Variants in OSBPL9 observed in about 807,000 individuals in gnomAD.
The protein encoded by OSBPL9 is oxysterol-binding protein-related protein 9.
Under a neutral mutation model 106.6 loss-of-function variants are expected in OSBPL9, and 40 were observed. The ratio of observed to expected loss-of-function variants is 0.38; its 90% confidence interval spans 0.29 to 0.49. The LOEUF is 0.49. Among genes scored for constraint, OSBPL9 ranks in the 20% least tolerant of loss-of-function variants. The pLI, the probability that OSBPL9 is intolerant of heterozygous loss-of-function variation, is 0.97. For missense variants in OSBPL9, 609 were observed against 887.2 expected, an observed-to-expected ratio of 0.69 and a Z score of 3.98; for synonymous variants, 269 against 295.4, an observed-to-expected ratio of 0.91 and a Z score of 0.92.
chr1:51,657,805 G>C (rs990814162), intron 2 of OSBPL9, among the ~76,000 whole-genome samples: 2 of 152,110 alleles, frequency 1.3e-5, no homozygotes, highest in African/African-American at 4.8e-5. Context: ...CAACATTAAA[G>C]AGGCAGTGTG....
intron 3 of OSBPL9, among the ~76,000 whole-genome samples, chr1:51,713,058 C>T (rs1055393965): frequency 6.6e-6 from 1 of 152,190 alleles, no homozygotes; most frequent in African/African-American, 2.4e-5. Flanking sequence ...GGACTGTTTA[C>T]CAGAGCTCCC....
intron 7 of OSBPL9, 131 bp from the exon 8 acceptor site, chr1:51,750,014 A>G: frequency 2.0e-6 from 1 of 495,166 alleles, no homozygotes; most frequent in Non-Finnish European, 3.5e-6. Context: ...CACTAGATCC[A>G]AAGAGGATAT....
intron 20 of OSBPL9, 45 bp from the exon 21 acceptor site, chr1:51,785,763 A>C: frequency 6.4e-7 from 1 of 1,560,700 alleles, no homozygotes; most frequent in South Asian, 1.1e-5. Context: ...TCTTTGGTAG[A>C]ATTTTCAACT....
At chr1:51,749,015 G>A (rs887524605) in intron 7 of OSBPL9, among the ~76,000 whole-genome samples, 2 of 151,962 alleles carry the variant, frequency 1.3e-5, no homozygotes, top group African/African-American at 4.8e-5. Flanking sequence ...AACTGGGGAG[G>A]CAGAAGTTGC....
intron 1 of OSBPL9, among the ~76,000 whole-genome samples, chr1:51,597,492 TATATATATATACACACACAC>T (rs1645306393): frequency 6.7e-6 from 1 of 150,250 alleles, no homozygotes; most frequent in South Asian, 2.1e-4. Context: ...ATAGATTGTA[TATATATATATACACACACAC>T]ATATATATAT....
chr1:51,742,578 A>C (rs1667164719), intron 4 of OSBPL9, among the ~76,000 whole-genome samples: 2 of 151,360 alleles, frequency 1.3e-5, no homozygotes, highest in Non-Finnish European at 2.9e-5. Flanking sequence ...AAAAAAGTAA[A>C]ATAAAAAATT....
At chr1:51,785,577 G>C in intron 20 of OSBPL9, 1 of 526,238 alleles carries the variant, frequency 1.9e-6, no homozygotes, top group South Asian at 2.3e-5. Flanking sequence ...ACCCAGAATA[G>C]GACGTTCTTG....
At chr1:51,694,121 G>A (rs1571126606) in intron 3 of OSBPL9, among the ~76,000 whole-genome samples, 3 of 152,248 alleles carry the variant, frequency 2.0e-5, no homozygotes, top group Admixed American at 6.5e-5. Context: ...ACTTTAAACA[G>A]CTTTTCTTTA....
intron 2 of OSBPL9, among the ~76,000 whole-genome samples, chr1:51,666,095 G>A (rs531580397): frequency 3.7e-4 from 57 of 152,238 alleles, no homozygotes; most frequent in Non-Finnish European, 7.6e-4. Flanking sequence ...TGATCCGCCC[G>A]CCTCGGCCTC....
chr1:51,675,787 C>T (rs1651043189), intron 3 of OSBPL9, among the ~76,000 whole-genome samples: 1 of 152,078 alleles, frequency 6.6e-6, no homozygotes, highest in Admixed American at 6.6e-5. Context: ...TTGAATTTTA[C>T]CTTCAAATAA....
chr1:51,705,399 ATTTTTTTT>A lies in OSBPL9; in HGVS notation c.242-8580_242-8573del, dbSNP rs869169566. 5.3e-3 allele frequency among the ~76,000 whole-genome samples: 213 copies of A among 40,446 alleles called. 1 individual carries two copies. The highest frequency in any genetic ancestry group is 0.018 in the South Asian group (16 of 876). The allele number at this position is 40,446 out of a possible 152,430, so 26.5% of individuals were successfully genotyped here. A position where few individuals can be genotyped will look rare whatever the true frequency, so the allele number is the denominator to read the frequency against. On this transcript the variant is annotated intron_variant, in intron 3 of 23. Coordinates refer to ENST00000428468, the MANE Select transcript of OSBPL9 (RefSeq NM_024586.6). ...TTCATATATATATATATATATATAT[ATTTTTTTT>A]TTTTTTTTTTTTTTTTTTTTTTTGA...
At chr1:51,608,335 C>A (rs928471304) in intron 2 of OSBPL9, among the ~76,000 whole-genome samples, 1 of 152,162 alleles carries the variant, frequency 6.6e-6, no homozygotes, top group African/African-American at 2.4e-5. Flanking sequence ...CTCTGTCACC[C>A]AGACTAGAGT....
intron 22 of OSBPL9, 124 bp from the exon 23 acceptor site, chr1:51,787,229 C>T (rs944145903): frequency 3.3e-5 from 30 of 900,066 alleles, no homozygotes; most frequent in Non-Finnish European, 4.4e-5. Context: ...CTGGTGCCAG[C>T]GTAAGGAGAT....
the OSBPL9 span, among the ~76,000 whole-genome samples, chr1:51,540,101 G>A: frequency 1.3e-5 from 2 of 152,188 alleles, no homozygotes; most frequent in East Asian, 1.9e-4. Context: ...TCTGAGAAAT[G>A]TCAAATATTG....
intron 1 of OSBPL9, among the ~76,000 whole-genome samples, chr1:51,634,284 TCA>T (rs1645287484): frequency 6.6e-6 from 1 of 152,222 alleles, no homozygotes; most frequent in Non-Finnish European, 1.5e-5. Context: ...GATTGTCATT[TCA>T]CAGTTTGGTG....
intron 1 of OSBPL9, among the ~76,000 whole-genome samples, chr1:51,588,690 A>G (rs1032160295): frequency 3.9e-5 from 6 of 152,198 alleles, no homozygotes; most frequent in African/African-American, 1.4e-4. Flanking sequence ...CTGGTACACA[A>G]TAAGCATTCA....
At chr1:51,527,330 GTGATGATGA>G in the OSBPL9 span, among the ~76,000 whole-genome samples, 12 of 110,262 alleles carry the variant, frequency 1.1e-4, no homozygotes, top group East Asian at 9.8e-4. Context: ...AATGATGATG[GTGATGATGA>G]TGATGATGAT....
At chr1:51,778,793 A>T (rs781253517) in intron 15 of OSBPL9, among the ~76,000 whole-genome samples, 2 of 152,202 alleles carry the variant, frequency 1.3e-5, no homozygotes, top group Non-Finnish European at 2.9e-5. Context: ...AACTTGACCC[A>T]GTTGGCCTTT....
the OSBPL9 span, among the ~76,000 whole-genome samples, chr1:51,562,667 G>C: frequency 6.6e-6 from 1 of 152,082 alleles, no homozygotes; most frequent in Non-Finnish European, 1.5e-5. Context: ...AGGTGGCAGG[G>C]ACCCATTCTG....
Sources: gnomAD v4.1 joint callset for allele counts (sites outside exome capture counted in the v4.1 genomes callset) on GRCh38, gnomAD v4.1.1 for gene constraint, MANE v1.5 for transcripts, NCBI Gene and HGNC (gene_info 2026-07-23, HGNC 2026-07-21) for gene names.